The following THSD4 variants were observed in gnomAD, a reference collection of about 807,000 sequenced individuals.
The protein encoded by THSD4 is thrombospondin type-1 domain-containing protein 4.
THSD4 carries 69 observed loss-of-function variants against 119.0 expected under a neutral mutation model. The ratio of observed to expected loss-of-function variants is 0.58; its 90% CI spans 0.48 to 0.71. The LOEUF is 0.71. THSD4 is among the 30% of genes least tolerant of loss of function. The pLI, the probability that THSD4 is intolerant of heterozygous loss-of-function variation, is 0.00. For missense variants in THSD4, 1,393 were observed against 1,391.1 expected (o/e 1.00, Z -0.02); for synonymous variants, 524 against 540.4 (o/e 0.97, Z 0.42).
chr15:71,525,770 A>C (rs1428064854), intron 7 of THSD4, among the ~76,000 whole-genome samples: 1 of 152,212 alleles, frequency 6.6e-6, no homozygotes, highest in African/African-American at 2.4e-5. Flanking sequence ...TTTGCATCTC[A>C]TCTCATCTCA....
chr15:71,661,199 A>G (rs547465295), intron 8 of THSD4, among the ~76,000 whole-genome samples: 5 of 152,268 alleles, frequency 3.3e-5, no homozygotes, highest in South Asian at 4.1e-4. Flanking sequence ...CAGCAGACCT[A>G]TACATAGTAG....
chr15:71,283,259 G>A (rs1207695917), intron 6 of THSD4, among the ~76,000 whole-genome samples: 1 of 152,094 alleles, frequency 6.6e-6, no homozygotes, highest in Non-Finnish European at 1.5e-5. Flanking sequence ...GTGAGCCATC[G>A]CGCCCGGCCA....
At chr15:71,202,047 T>G (rs888265213) in intron 3 of THSD4, among the ~76,000 whole-genome samples, 4 of 152,182 alleles carry the variant, frequency 2.6e-5, no homozygotes, top group South Asian at 2.1e-4. Context: ...AATTTGGCTG[T>G]TGGTGGTGGT....
chr15:71,588,757 A>AT (rs2049739861), intron 7 of THSD4, among the ~76,000 whole-genome samples: 1 of 152,206 alleles, frequency 6.6e-6, no homozygotes, highest in African/African-American at 2.4e-5. Context: ...AATGAGGCTT[A>AT]TGTTCAAGGG....
chr15:71,244,541 C>T (rs1346204530), intron 5 of THSD4, among the ~76,000 whole-genome samples: 8 of 152,278 alleles, frequency 5.3e-5, no homozygotes, highest in Non-Finnish European at 1.2e-4. Flanking sequence ...CTTCAGGAAT[C>T]ATTAATTTTA....
rs1295921578 is a variant in THSD4 at position 71,587,324 on chromosome 15, G to T, written c.1153-73206G>T. Among the ~76,000 whole-genome samples the T allele has an allele frequency of 3.2e-5, 4 of 124,158 alleles. No homozygotes were observed. The East Asian group carries it at 8.6e-4, about 27-fold the overall frequency. The allele number at this position is 124,158 out of a possible 152,430, so 81.5% of individuals were successfully genotyped here. On this transcript the variant is annotated intron_variant, in intron 7 of 17. Transcript: ENST00000261862. ...TGCTGCTATAAAGACACATGCACAC[G>T]TATGTTTATTGCAGCACTATTCACA...
chr15:71,645,168 G>A (rs2050943855), intron 7 of THSD4, among the ~76,000 whole-genome samples: 1 of 152,178 alleles, frequency 6.6e-6, no homozygotes, highest in Non-Finnish European at 1.5e-5. Context: ...CCAGAGGAAA[G>A]ATGGTCTTGG....
At chr15:71,476,962 A>T (rs553037413) in intron 7 of THSD4, among the ~76,000 whole-genome samples, 2 of 152,366 alleles carry the variant, frequency 1.3e-5, no homozygotes, top group South Asian at 2.1e-4. Context: ...GCGCACTGGC[A>T]TCCTCCCATC....
chr15:71,586,882 A>G (rs143423423), intron 7 of THSD4, among the ~76,000 whole-genome samples: 12 of 152,310 alleles, frequency 7.9e-5, no homozygotes, highest in African/African-American at 1.4e-4. Flanking sequence ...ATCACAACCA[A>G]CAAGCATTAT....
At chr15:71,644,519 T>C (rs1328081224) in intron 7 of THSD4, among the ~76,000 whole-genome samples, 1 of 152,070 alleles carries the variant, frequency 6.6e-6, no homozygotes, top group Non-Finnish European at 1.5e-5. Flanking sequence ...AGCTCCAGAT[T>C]TACAAAAAAA....
At chr15:71,527,730 T>TTTTTTG (rs760970136) in intron 7 of THSD4, among the ~76,000 whole-genome samples, 1 of 145,072 alleles carries the variant, frequency 6.9e-6, no homozygotes, top group African/African-American at 2.7e-5. Context: ...TTTTTTTTTT[T>TTTTTTG]GAGACAGGGT....
At chr15:71,563,383 A>C (rs2049164278) in intron 7 of THSD4, among the ~76,000 whole-genome samples, 1 of 152,230 alleles carries the variant, frequency 6.6e-6, no homozygotes, top group Admixed American at 6.5e-5. Flanking sequence ...AAATGCTCTG[A>C]AAACCTATCC....
At chr15:71,257,072 G>A (rs1191758038) in intron 6 of THSD4, among the ~76,000 whole-genome samples, 1 of 152,108 alleles carries the variant, frequency 6.6e-6, no homozygotes, top group Non-Finnish European at 1.5e-5. Flanking sequence ...CCTTTCCTTG[G>A]TTCCTGCTAC....
At chr15:71,609,291 C>T (rs369476595) in intron 7 of THSD4, among the ~76,000 whole-genome samples, 2 of 152,198 alleles carry the variant, frequency 1.3e-5, no homozygotes, top group African/African-American at 2.4e-5. Context: ...ACTTTCTAAA[C>T]AGCACTGTAT....
chr15:71,492,986 A>G (rs923124454), intron 7 of THSD4, among the ~76,000 whole-genome samples: 1 of 152,094 alleles, frequency 6.6e-6, no homozygotes, highest in Non-Finnish European at 1.5e-5. Flanking sequence ...CACTCTACCC[A>G]TCAAACTTTC....
intron 7 of THSD4, among the ~76,000 whole-genome samples, chr15:71,458,323 G>A (rs1595787292): frequency 6.6e-6 from 1 of 152,138 alleles, no homozygotes; most frequent in Non-Finnish European, 1.5e-5. Flanking sequence ...GAAAGAGCCT[G>A]GGATTTGGAG....
At chr15:71,378,763 G>C (rs2046185070) in intron 6 of THSD4, among the ~76,000 whole-genome samples, 1 of 152,122 alleles carries the variant, frequency 6.6e-6, no homozygotes, top group Non-Finnish European at 1.5e-5. Context: ...GGTATAAGAA[G>C]GTAATGTTGT....
At chr15:71,142,076 A>G (rs1484087061) in intron 2 of THSD4, among the ~76,000 whole-genome samples, 1 of 151,916 alleles carries the variant, frequency 6.6e-6, no homozygotes, top group East Asian at 1.9e-4. Context: ...GCATAATACA[A>G]TTTTCTAAAG....
chr15:71,371,140 C>T (rs12437946), intron 6 of THSD4, among the ~76,000 whole-genome samples: 39,430 of 151,978 alleles, frequency 0.26, 5,617 homozygotes, highest in East Asian at 0.54. Context: ...GGTAGATCTT[C>T]CTCCATCCCT....
Sources: allele counts gnomAD v4.1 joint callset (sites outside exome capture counted in the v4.1 genomes callset), GRCh38; gene constraint gnomAD v4.1.1; transcripts MANE v1.5; gene names NCBI Gene and HGNC (gene_info 2026-07-23, HGNC 2026-07-21).